Variants in NGEF observed in about 807,000 individuals in gnomAD.
The protein encoded by NGEF is ephexin-1.
In NGEF, 31 loss-of-function variants were observed where a neutral mutation model predicts 80.9. The ratio of observed to expected loss-of-function variants is 0.38; its 90% confidence interval spans 0.29 to 0.52. The LOEUF is 0.52. Ranked by LOEUF, NGEF falls within the 20% of genes least tolerant of loss-of-function variation. The pLI is 0.84. For synonymous variants in NGEF, 371 were observed against 370.2 expected, an observed-to-expected ratio of 1.00 and a Z score of -0.03; for missense variants, 709 against 926.2, an observed-to-expected ratio of 0.77 and a Z score of 3.04.
chr2:232,956,277 G>C (rs987282791), intron 3 of NGEF, among the ~76,000 whole-genome samples: 2 of 152,146 alleles, frequency 1.3e-5, no homozygotes, highest in African/African-American at 4.8e-5. Flanking sequence ...GAATTTGAGA[G>C]AAACAAGCTT....
intron 3 of NGEF, among the ~76,000 whole-genome samples, chr2:232,960,577 A>C (rs978932392): frequency 6.6e-5 from 10 of 152,184 alleles, no homozygotes; most frequent in Non-Finnish European, 1.2e-4. Flanking sequence ...AAGGCTAGGC[A>C]CCAAACTGTA....
At chr2:232,915,591 A>AT (rs1459658645) in intron 5 of NGEF, among the ~76,000 whole-genome samples, 1 of 151,898 alleles carries the variant, frequency 6.6e-6, no homozygotes, top group East Asian at 1.9e-4. Context: ...CAACCTAATT[A>AT]TTTTTTTCTG....
chr2:232,893,645 G>C (rs999663044), intron 6 of NGEF, among the ~76,000 whole-genome samples: 7 of 152,172 alleles, frequency 4.6e-5, no homozygotes, highest in Non-Finnish European at 1.0e-4. Flanking sequence ...TGTGGTGGTG[G>C]ACGCCTGTAA....
intron 9 of NGEF, among the ~76,000 whole-genome samples, chr2:232,886,196 G>A (rs1456934107): frequency 1.3e-5 from 1 of 75,906 alleles, no homozygotes; most frequent in Admixed American, 1.3e-4. Flanking sequence ...CATGTGTGCT[G>A]TGTGTGCTAT....
rs571551079 is a variant in NGEF, at chr2:232,903,683, C to T, written c.829-8767G>A. 2.5e-4 allele frequency among the ~76,000 whole-genome samples: 38 copies of T among 152,200 alleles called. No homozygotes were observed. The South Asian group carries it at 4.6e-3, about 18-fold the overall frequency. The stretch of plus-strand genomic sequence containing the variant: ...CCTAGCTGACGTTTTAGGTAATGGC[C>T]ACGTCCACCTCAAAGCATCAAGAAA... On this transcript the variant is annotated intron_variant, in intron 5 of 14. Transcript: ENST00000264051.
intron 11 of NGEF, 37 bp downstream of exon 11, chr2:232,883,944 C>G (rs1226153225): frequency 6.4e-7 from 1 of 1,572,126 alleles, no homozygotes; most frequent in Admixed American, 1.8e-5. Flanking sequence ...CACTCCTCTA[C>G]CCACCGGAGC....
chr2:232,883,169 T>A, intron 12 of NGEF, 142 bp downstream of exon 12: 1 of 1,023,104 alleles, frequency 9.8e-7, no homozygotes, highest in Non-Finnish European at 1.4e-6. Flanking sequence ...TGGCGCAGGG[T>A]CTGGACGGGA....
chr2:233,007,310 T>G (rs920064601), intron 1 of NGEF, among the ~76,000 whole-genome samples: 2 of 152,176 alleles, frequency 1.3e-5, no homozygotes, highest in Admixed American at 1.3e-4. Flanking sequence ...GAAAACAGCT[T>G]TAACGATCAC....
chr2:232,944,580 C>T (rs1228139735), intron 3 of NGEF, among the ~76,000 whole-genome samples: 1 of 150,782 alleles, frequency 6.6e-6, no homozygotes, highest in African/African-American at 2.4e-5. Flanking sequence ...CTGTGTGCTA[C>T]TTTTGTGAAC....
intron 1 of NGEF, among the ~76,000 whole-genome samples, chr2:233,010,501 G>A (rs1216229097): frequency 2.0e-5 from 3 of 152,142 alleles, no homozygotes; most frequent in Non-Finnish European, 2.9e-5. Context: ...CAGCTCAGAG[G>A]CCACCTCCTC....
At chr2:232,995,947 A>G (rs1355058340) in intron 1 of NGEF, among the ~76,000 whole-genome samples, 1 of 151,808 alleles carries the variant, frequency 6.6e-6, no homozygotes, top group Non-Finnish European at 1.5e-5. Flanking sequence ...AAAAGAGGAC[A>G]AAAGAAAGAA....
Position 232,995,254 on chromosome 2 carries a change from A to AC in NGEF, c.-75+17813_-75+17814insG, listed in dbSNP as rs1441690697. Among the ~76,000 whole-genome samples, 15 of 20,312 alleles carry AC rather than the reference A, an allele frequency of 7.4e-4. 1 individual carries two copies. Among genetic ancestry groups the AC allele is most frequent in the African/African-American group, 2.8e-3 (15 of 5,316 alleles). The allele number at this position is 20,312 out of a possible 152,430, so 13.3% of individuals were successfully genotyped here. A position where few individuals can be genotyped will look rare whatever the true frequency, so the allele number is the denominator to read the frequency against. On this transcript the variant is annotated intron_variant, in intron 1 of 14. Coordinates refer to ENST00000264051, the MANE Select transcript of NGEF (RefSeq NM_019850.3). ...GCTGTGTACAGTATGTATACTGTAT[A>AC]TGTGTACAGTATGTATGCTGTGTAC...
intron 6 of NGEF, 50 bp downstream of exon 6, chr2:232,894,706 T>C (rs778224664): frequency 6.7e-7 from 1 of 1,486,872 alleles, no homozygotes; most frequent in Non-Finnish European, 9.1e-7. Context: ...GCATGTGCCC[T>C]GGGGATGAAG....
intron 5 of NGEF, among the ~76,000 whole-genome samples, chr2:232,903,021 A>ACAAAACAAAT (rs1692401379): frequency 6.6e-6 from 1 of 151,804 alleles, no homozygotes; most frequent in Non-Finnish European, 1.5e-5. Context: ...ACAAAACAAA[A>ACAAAACAAAT]AATGTTTAAT....
intron 5 of NGEF, among the ~76,000 whole-genome samples, chr2:232,907,930 A>G (rs778367): frequency 0.83 from 125,380 of 151,952 alleles, 51,870 homozygotes; most frequent in East Asian, 0.86. Context: ...CCAACATGGT[A>G]AAATTCCATC....
intron 1 of NGEF, among the ~76,000 whole-genome samples, chr2:233,000,272 AT>A (rs1324758771): frequency 6.6e-6 from 1 of 152,150 alleles, no homozygotes; most frequent in African/African-American, 2.4e-5. Flanking sequence ...ATTTTTTTGT[AT>A]TTTTTGTAGA....
In NGEF at chr2:232,920,272, G is replaced by C. The variant is rs200191104; in HGVS notation, c.828+12C>G. 2.5e-6 allele frequency: 4 copies of C among 1,606,238 alleles called. No individual in the cohort carries two copies. The highest frequency in any genetic ancestry group is 3.4e-6 in the Non-Finnish European group (4 of 1,176,152). On this transcript the variant is annotated intron_variant, in intron 5 of 14. Transcript: ENST00000264051. ...TGCTGTGGGGGAGCCCCCGCCCCTCGGCGCCTGTTACCTCCTGCAGCTTAA... is the reference window on the plus strand; with the variant it reads ...TGCTGTGGGGGAGCCCCCGCCCCTCCGCGCCTGTTACCTCCTGCAGCTTAA...
intron 5 of NGEF, among the ~76,000 whole-genome samples, chr2:232,899,771 C>CAT (rs1308952833): frequency 4.8e-5 from 7 of 145,756 alleles, no homozygotes; most frequent in Non-Finnish European, 9.0e-5. Context: ...CACAGTCACT[C>CAT]ATATACACGT....
chr2:232,996,712 C>T (rs1488829048), intron 1 of NGEF, among the ~76,000 whole-genome samples: 2 of 152,160 alleles, frequency 1.3e-5, no homozygotes, highest in Non-Finnish European at 2.9e-5. Flanking sequence ...CCAGGCTGGG[C>T]TCGAACTCCT....
Sources: allele counts gnomAD v4.1 joint callset (sites outside exome capture counted in the v4.1 genomes callset), GRCh38; gene constraint gnomAD v4.1.1; transcripts MANE v1.5; gene names NCBI Gene and HGNC (gene_info 2026-07-23, HGNC 2026-07-21).